Variants in PAPPA2 observed in about 807,000 individuals in gnomAD.
The protein encoded by PAPPA2 is pappalysin 2.
Under a neutral mutation model 176.4 loss-of-function variants are expected in PAPPA2, and 86 were observed. The ratio of observed to expected loss-of-function variants is 0.49; its 90% confidence interval spans 0.41 to 0.58. PAPPA2 has a LOEUF of 0.58. PAPPA2 is among the 20% of genes least tolerant of loss of function. The pLI, the probability that PAPPA2 is intolerant of heterozygous loss-of-function variation, is 0.00. For missense variants in PAPPA2, 2,073 were observed against 2,256.9 expected, an observed-to-expected ratio of 0.92 and a Z score of 1.65; for synonymous variants, 809 against 852.2, an observed-to-expected ratio of 0.95 and a Z score of 0.88.
rs369193671 is a variant in PAPPA2, at chr1:176,594,717, C to T, written c.1113C>T (p.Tyr371=). 5.3e-5 allele frequency: 86 copies of T among 1,614,232 alleles called. No homozygotes were observed. In the East Asian group the frequency reaches 6.0e-4, roughly 11 times the overall value. ...CATGGACCCATGTGGCAGCCACTTA[C>T]GATGGACGGCACATGGCCCTGTATG... ...PGTWTHVAAT[Y]DGRHMALYVD... is the part of the protein sequence containing the mutation. The change falls in exon 3 of 23, where the codon TAC becomes TAT. Residue 371 remains tyrosine, a synonymous_variant. Coordinates refer to ENST00000367662, the MANE Select transcript of PAPPA2 (RefSeq NM_020318.3).
chr1:176,693,287 C>T (rs946230667), intron 6 of PAPPA2, among the ~76,000 whole-genome samples: 16 of 152,176 alleles, frequency 1.1e-4, no homozygotes, highest in Non-Finnish European at 1.9e-4. Flanking sequence ...TTGCAGTAAA[C>T]GCAGTTCCTG....
intron 12 of PAPPA2, among the ~76,000 whole-genome samples, chr1:176,735,384 C>T (rs769033895): frequency 2.4e-4 from 36 of 152,042 alleles, no homozygotes; most frequent in Non-Finnish European, 1.6e-4. Flanking sequence ...ATTTTAAAAC[C>T]TCAGAGAAGA....
rs879617445 is a variant in PAPPA2, at chr1:176,505,555, C to A, written c.-917+42137C>A. On this transcript the variant is annotated intron_variant, in intron 1 of 22. Coordinates refer to ENST00000367662, the MANE Select transcript of PAPPA2 (RefSeq NM_020318.3). ...AGAAGGATTCTCAAGCCAAGTAGGG[C>A]AGAATTGCTGAGTTGCAGAGATAGA... 7.9e-5 allele frequency among the ~76,000 whole-genome samples: 12 copies of A among 151,940 alleles called. No individual in the cohort carries two copies. In the East Asian group the frequency reaches 9.7e-4, roughly 12 times the overall value.
intron 17 of PAPPA2, among the ~76,000 whole-genome samples, chr1:176,786,743 G>A (rs1024666482): frequency 6.6e-6 from 1 of 152,206 alleles, no homozygotes; most frequent in South Asian, 2.1e-4. Context: ...AGGGTTTACC[G>A]TGTGTTTTGA....
At chr1:176,692,053 A>C (rs1305398969) in intron 5 of PAPPA2, 73 bp from the exon 6 acceptor site, 1 of 1,436,686 alleles carries the variant, frequency 7.0e-7, no homozygotes, top group African/African-American at 1.4e-5. Flanking sequence ...ACAAGACACA[A>C]ATTTATCCCT....
chr1:176,843,586 T>C lies in PAPPA2; in HGVS notation c.*1132T>C, dbSNP rs1667559600. The C allele has an allele frequency of 6.6e-6, 1 of 152,124 alleles. No individual in the cohort carries two copies. The allele number at this position is 152,124 out of a possible 1,614,324, so 9.4% of individuals were successfully genotyped here. A position where few individuals can be genotyped will look rare whatever the true frequency, so the allele number is the denominator to read the frequency against. On this transcript the variant is annotated 3_prime_UTR_variant, in exon 23 of 23. Transcript: ENST00000367662. Reference sequence around the variant, plus strand: ...CTCATACTTGGCCTGTAGTCCTACTTCTTGTTAGAAGTCTCCAAGTCTGGC... The same window carrying C: ...CTCATACTTGGCCTGTAGTCCTACTCCTTGTTAGAAGTCTCCAAGTCTGGC...
intron 1 of PAPPA2, among the ~76,000 whole-genome samples, chr1:176,505,657 G>GAAC (rs1456060786): frequency 1.3e-5 from 2 of 151,690 alleles, no homozygotes; most frequent in African/African-American, 2.4e-5. Flanking sequence ...AATTCATATG[G>GAAC]AACAGCAACA....
At chr1:176,597,596 A>G (rs546027236) in intron 3 of PAPPA2, among the ~76,000 whole-genome samples, 1 of 152,110 alleles carries the variant, frequency 6.6e-6, no homozygotes, top group Non-Finnish European at 1.5e-5. Context: ...TGATGGGTCG[A>G]TGGGCGCAGC....
At chr1:176,738,135 G>T (rs980281228) in intron 12 of PAPPA2, among the ~76,000 whole-genome samples, 1 of 152,102 alleles carries the variant, frequency 6.6e-6, no homozygotes, top group Non-Finnish European at 1.5e-5. Context: ...TTACCTTAGG[G>T]TGTGTTTCAT....
Position 176,595,122 on chromosome 1 carries a change from T to C in PAPPA2, c.1518T>C (p.Asn506=). 8.7e-6 allele frequency: 14 copies of C among 1,614,072 alleles called. No homozygotes were observed. The highest frequency in any genetic ancestry group is 1.3e-5 in the African/African-American group (1 of 75,014). ...TCTGTGGGCAAACAGTCTGTGACAATGTGGAATTGATCTCCCAGTACAATG... is the reference window on the plus strand; with the variant it reads ...TCTGTGGGCAAACAGTCTGTGACAACGTGGAATTGATCTCCCAGTACAATG... ...PPLCGQTVCD[N]VELISQYNGY... Residue 506 remains asparagine (N), a synonymous_variant, in exon 3 of 23, where the codon AAT becomes AAC. Transcript: ENST00000367662.
intron 21 of PAPPA2, among the ~76,000 whole-genome samples, chr1:176,817,158 G>C (rs892089998): frequency 4.6e-5 from 7 of 152,020 alleles, no homozygotes; most frequent in Non-Finnish European, 1.0e-4. Flanking sequence ...ACATAAATTT[G>C]GGGAAGATTT....
At chr1:176,489,085 C>T (rs1652779723) in intron 1 of PAPPA2, among the ~76,000 whole-genome samples, 1 of 152,130 alleles carries the variant, frequency 6.6e-6, no homozygotes, top group Non-Finnish European at 1.5e-5. Context: ...AGTGTGTATG[C>T]ATGTGATGTG....
intron 12 of PAPPA2, among the ~76,000 whole-genome samples, chr1:176,736,930 A>G (rs1344572684): frequency 6.6e-6 from 1 of 152,024 alleles, no homozygotes; most frequent in African/African-American, 2.4e-5. Flanking sequence ...ACAAGTATCA[A>G]CTGAAAATAG....
chr1:176,731,128 C>T (rs1434390268), intron 12 of PAPPA2, among the ~76,000 whole-genome samples: 3 of 152,122 alleles, frequency 2.0e-5, no homozygotes, highest in Non-Finnish European at 4.4e-5. Flanking sequence ...TAAACATCCA[C>T]AAGATCCTTT....
At chr1:176,655,140 T>TTCCA (rs1657958116) in intron 3 of PAPPA2, among the ~76,000 whole-genome samples, 1 of 151,898 alleles carries the variant, frequency 6.6e-6, no homozygotes, top group African/African-American at 2.4e-5. Context: ...GGCAACCTTG[T>TTCCA]CTTGTTCCAC....
chr1:176,623,622 C>CTTTCTTTCTTT (rs1558479081), intron 3 of PAPPA2, among the ~76,000 whole-genome samples: 212 of 79,822 alleles, frequency 2.7e-3, no homozygotes, highest in South Asian at 5.0e-3. Context: ...TTCCTTCCTT[C>CTTTCTTTCTTT]CTTTTTTACT....
At chr1:176,632,171 T>C (rs370620075) in intron 3 of PAPPA2, among the ~76,000 whole-genome samples, 1 of 152,004 alleles carries the variant, frequency 6.6e-6, no homozygotes, top group Non-Finnish European at 1.5e-5. Context: ...TAGAGATATG[T>C]TGGATTGCTA....
intron 1 of PAPPA2, among the ~76,000 whole-genome samples, chr1:176,555,000 T>A (rs868399860): frequency 0.011 from 1,649 of 145,660 alleles, 22 homozygotes; most frequent in Middle Eastern, 0.024. Context: ...TGTGTGTGTG[T>A]GAGAGAGAGA....
At chr1:176,683,056 T>G (rs1659665492) in intron 4 of PAPPA2, among the ~76,000 whole-genome samples, 1 of 151,304 alleles carries the variant, frequency 6.6e-6, no homozygotes, top group African/African-American at 2.4e-5. Context: ...ATTTATTTAT[T>G]TGCTGGAAGT....
Sources: allele counts gnomAD v4.1 joint callset (sites outside exome capture counted in the v4.1 genomes callset), GRCh38; gene constraint gnomAD v4.1.1; transcripts MANE v1.5; gene names NCBI Gene and HGNC (gene_info 2026-07-23, HGNC 2026-07-21).